GCNA: variants seen among roughly 807,000 people sequenced by gnomAD.
GCNA encodes germ cell nuclear acidic peptidase, also known as germ cell nuclear acidic protein.
A neutral mutation model predicts 38.8 loss-of-function variants in GCNA; 3 were observed. The ratio of observed to expected loss-of-function variants is 0.08; its 90% CI spans 0.04 to 0.20. The LOEUF is 0.20. Ranked by LOEUF, GCNA falls within the 10% of genes least tolerant of loss-of-function variation. The probability of loss-of-function intolerance (pLI) is 1.00; values close to 1 mark genes in which losing one functional copy is unlikely to be tolerated. For synonymous variants in GCNA, 195 were observed against 240.2 expected, an observed-to-expected ratio of 0.81 and a Z score of 1.74; for missense variants, 446 against 578.6, an observed-to-expected ratio of 0.77 and a Z score of 2.35.
At chrX:71,610,579 C>T (rs1291444088) in intron 10 of GCNA, 102 bp from the exon 11 acceptor site, 1 of 1,051,774 alleles carries the variant, frequency 9.5e-7, no homozygotes. Flanking sequence ...CACCATTGCA[C>T]TCCAGCCTGG....
Position 71,598,093 on chromosome X carries a change from C to T in GCNA, c.310+55C>T, listed in dbSNP as rs752169324. 115 of 921,425 alleles carry T rather than the reference C, an allele frequency of 1.2e-4. 1 individual carries two copies. The highest frequency in any genetic ancestry group is 1.7e-4 in the Non-Finnish European group (106 of 641,508). The allele number at this position is 921,425 out of a possible 1,213,427, so 75.9% of individuals were successfully genotyped here. A position where few individuals can be genotyped will look rare whatever the true frequency, so the allele number is the denominator to read the frequency against. On this transcript the variant is annotated intron_variant, in intron 7 of 12. Transcript: ENST00000373696. ...AGCTGAGCTCCAAAGCCTCATCACA[C>T]GTGGTACTTTCAGGATCAGAGTCCG...
chrX:71,610,614 C>CAAAAACAA, intron 10 of GCNA, 67 bp from the exon 11 acceptor site: 3 of 1,159,804 alleles, frequency 2.6e-6, no homozygotes, highest in Non-Finnish European at 3.5e-6. Context: ...AACTCCGTCT[C>CAAAAACAA]AAAAACAAAA....
Position 71,613,070 on chromosome X carries a change from G to C in GCNA, c.*88G>C. On this transcript the variant is annotated 3_prime_UTR_variant, in exon 13 of 13. Coordinates refer to ENST00000373696, the MANE Select transcript of GCNA (RefSeq NM_052957.5). ...CCTTGGGGATGTGATGAAAACACTT[G>C]GCAGGAATTACAAGGCAATGAAGAA... 1 of 1,111,603 alleles carries C rather than the reference G, an allele frequency of 9.0e-7. No individual in the cohort carries two copies. The highest frequency in any genetic ancestry group is 2.0e-5 in the South Asian group (1 of 50,650). The allele number at this position is 1,111,603 out of a possible 1,213,427, so 91.6% of individuals were successfully genotyped here.
At chrX:71,612,151 G>C (rs2040815678) in intron 11 of GCNA, among the ~76,000 whole-genome samples, 1 of 108,016 alleles carries the variant, frequency 9.3e-6, no homozygotes, top group African/African-American at 3.4e-5. Flanking sequence ...GGTGGTGCAT[G>C]CCTGTAATCC....
At chrX:71,582,434 A>G (rs2040554296) in intron 2 of GCNA, among the ~76,000 whole-genome samples, 1 of 110,121 alleles carries the variant, frequency 9.1e-6, no homozygotes, top group South Asian at 3.9e-4. Flanking sequence ...TTAAAATGAG[A>G]TACCATTTTT....
Position 71,610,699 on chromosome X carries a change from A to G in GCNA, c.1630A>G (p.Ile544Val). 1 of 1,211,860 alleles carries G rather than the reference A, an allele frequency of 8.3e-7. No homozygotes were observed. The change falls in exon 11 of 13, where the codon ATA (isoleucine) becomes GTA (valine). Residue 544 changes from isoleucine (I) to valine (V), a missense_variant. Around this residue, in one of 7 missense-constraint regions of GCNA, gnomAD observed 60 missense variants for 111.0 expected, o/e 0.54. Transcript: ENST00000373696. ...CDKKLPEKLR[I>V]GWNNKMVKTA... ...TTCTCAGCTGCCAGAGAAACTACGCATAGGCTGGAATAACAAGATGGTGAA... is the reference window on the plus strand; with the variant it reads ...TTCTCAGCTGCCAGAGAAACTACGCGTAGGCTGGAATAACAAGATGGTGAA...
chrX:71,578,821 G>A (rs1348843838), intron 1 of GCNA, among the ~76,000 whole-genome samples: 1 of 109,974 alleles, frequency 9.1e-6, no homozygotes, highest in South Asian at 3.9e-4. Flanking sequence ...TGCCAGTGGC[G>A]GCGTGGGGAG....
Position 71,580,828 on chromosome X carries a change from G to A in GCNA, c.7G>A (p.Gly3Arg). 8.3e-7 allele frequency: 1 copy of A among 1,202,316 alleles called. No individual in the cohort carries two copies. Among genetic ancestry groups the A allele is most frequent in the Non-Finnish European group, 1.1e-6 (1 of 890,296 alleles). MD[G>R]CKKELPRLQE... ...TTTGTCTTTCACTACAGACATGGAT[G>A]GGTGCAAAAAAGAGCTGCCCCGCTT... is the stretch of plus-strand genomic sequence containing the variant. Residue 3 changes from glycine (G) to arginine (R), a missense_variant, in exon 2 of 13, where the codon GGG becomes AGG. By Grantham distance (125) the Gly-to-Arg change is moderately radical (BLOSUM62 -2). Transcript: ENST00000373696.
chrX:71,595,881 C>A (rs2040667733), intron 6 of GCNA, among the ~76,000 whole-genome samples: 1 of 112,078 alleles, frequency 8.9e-6, no homozygotes. Context: ...AACGTGTAAG[C>A]CACCAACTCC....
In GCNA at chrX:71,608,986, A is replaced by G. The variant is rs769601045; in HGVS notation, c.1480A>G (p.Lys494Glu). The change falls in exon 10 of 13, where the codon AAA (lysine) becomes GAA (glutamate). Residue 494 changes from lysine to glutamate, a missense_variant. Around this residue, in one of 7 missense-constraint regions of GCNA, gnomAD observed 160 missense variants for 165.2 expected, o/e 0.97. Coordinates refer to ENST00000373696, the MANE Select transcript of GCNA (RefSeq NM_052957.5). ...TTATCTTTGCAGGACTCCTAAATGC[A>G]AAGTCCCTGGATGTTTCTTGCAAGA... ...EKRKTRTPKC[K>E]VPGCFLQDLE... The G allele has an allele frequency of 2.5e-6, 3 of 1,210,113 alleles. No individual in the cohort carries two copies. The highest frequency in any genetic ancestry group is 3.4e-6 in the Non-Finnish European group (3 of 894,645).
intron 1 of GCNA, among the ~76,000 whole-genome samples, chrX:71,579,330 C>A (rs974028687): frequency 1.3e-4 from 10 of 77,771 alleles, no homozygotes; most frequent in Non-Finnish European, 2.4e-4. Flanking sequence ...GGCATAGGAG[C>A]ACATAGTAGC....
intron 6 of GCNA, among the ~76,000 whole-genome samples, 189 bp from the exon 7 acceptor site, chrX:71,597,760 GA>G (rs1294562691): frequency 2.7e-5 from 3 of 112,249 alleles, no homozygotes; most frequent in Non-Finnish European, 5.6e-5. Context: ...TAGGAAGATG[GA>G]AAAAGAGAAA....
chrX:71,598,015 A>G lies in GCNA; in HGVS notation c.287A>G (p.Lys96Arg). The change falls in exon 7 of 13, where the codon AAG becomes AGG. Residue 96 changes from lysine (K) to arginine (R), a missense_variant. This residue lies in a region of GCNA where 118 missense variants were observed against 122.8 expected (regional missense o/e 0.96). Transcript: ENST00000373696. Reference protein sequence around the residue: ...ECHTHEEKKAKLLEINSDDES... With the variant: ...ECHTHEEKKARLLEINSDDES... Reference sequence around the variant, plus strand: ...CACACCCATGAAGAGAAGAAAGCTAAGTTATTGGAAATAAACAGCGACGGC... The same window carrying G: ...CACACCCATGAAGAGAAGAAAGCTAGGTTATTGGAAATAAACAGCGACGGC... The G allele has an allele frequency of 5.0e-6, 6 of 1,208,638 alleles. No homozygotes were observed. The highest frequency in any genetic ancestry group is 6.7e-6 in the Non-Finnish European group (6 of 892,562).
chrX:71,600,971 C>T (rs2040708963), intron 7 of GCNA, among the ~76,000 whole-genome samples: 6 of 111,924 alleles, frequency 5.4e-5, no homozygotes. Flanking sequence ...CACACCCCTC[C>T]ACTATCCTTC....
Position 71,610,790 on chromosome X carries a change from A to G in GCNA, c.1721A>G (p.Gln574Arg), listed in dbSNP as rs1337882233. The G allele has an allele frequency of 4.1e-6, 5 of 1,211,061 alleles. No homozygotes were observed. The highest frequency in any genetic ancestry group is 1.7e-5 in the African/African-American group (1 of 57,581). ...YPKWRRFAKI[Q>R]IGLKVCDSAD... ...AAGTGGCGGCGCTTTGCCAAGATCC[A>G]GATTGGCTTGAAAGTCTGCGACTCT... The change falls in exon 11 of 13, where the codon CAG (glutamine) becomes CGG (arginine). Residue 574 changes from glutamine (Q) to arginine (R), a missense_variant. By Grantham distance (43) the Gln-to-Arg change is conservative (BLOSUM62 1). Coordinates refer to ENST00000373696, the MANE Select transcript of GCNA (RefSeq NM_052957.5).
In GCNA at chrX:71,613,189, A is replaced by G. The variant is rs1022179566; in HGVS notation, c.*207A>G. On this transcript the variant is annotated 3_prime_UTR_variant, in exon 13 of 13. Transcript: ENST00000373696. ...TTTGTTTTGTGAAGTTAGGAATATT[A>G]GAATTTAGGTACTGTTAAGTAAGTA... 6.9e-6 allele frequency: 3 copies of G among 437,323 alleles called. No homozygotes were observed. The African/African-American group carries it at 7.4e-5, about 11-fold the overall frequency. 36.0% of individuals were successfully genotyped at this position (437,323 alleles called of 1,213,427 possible). A position where few individuals can be genotyped will look rare whatever the true frequency, so the allele number is the denominator to read the frequency against.
chrX:71,587,083 G>A (rs1320239088), intron 2 of GCNA, among the ~76,000 whole-genome samples: 3 of 111,749 alleles, frequency 2.7e-5, no homozygotes, highest in South Asian at 7.6e-4. Context: ...TGGAACTACC[G>A]GAATACAATC....
chrX:71,607,556 G>C (rs1037668348), intron 9 of GCNA, among the ~76,000 whole-genome samples: 1 of 112,145 alleles, frequency 8.9e-6, no homozygotes, highest in African/African-American at 3.2e-5. Context: ...TACAGTATGA[G>C]TCCTTTATGT....
Position 71,604,070 on chromosome X carries a change from C to T in GCNA, c.793C>T (p.Pro265Ser), listed in dbSNP as rs899450797. The stretch of plus-strand genomic sequence containing the variant: ...CGACAGCAGTGATGATTCGGAAGCT[C>T]CCGACGACAGCAGTGATGATTCGGA... Reference protein sequence around the residue: ...PDDSSDDSEAPDDSSDDSEAP... With the variant: ...PDDSSDDSEASDDSSDDSEAP... Residue 265 changes from proline to serine, a missense_variant, in exon 8 of 13, where the codon CCC becomes TCC. Around this residue, in one of 7 missense-constraint regions of GCNA, gnomAD observed 28 missense variants for 77.0 expected, o/e 0.36. Coordinates refer to ENST00000373696, the MANE Select transcript of GCNA (RefSeq NM_052957.5). 2.7e-5 allele frequency: 31 copies of T among 1,144,222 alleles called. 1 individual carries two copies. The highest frequency in any genetic ancestry group is 5.7e-5 in the South Asian group (3 of 52,731). The allele number at this position is 1,144,222 out of a possible 1,213,427, so 94.3% of individuals were successfully genotyped here.
Sources: allele counts gnomAD v4.1 joint callset (sites outside exome capture counted in the v4.1 genomes callset), GRCh38; gene constraint gnomAD v4.1.1; regional missense constraint gnomAD v4.1.1; transcripts MANE v1.5; gene names NCBI Gene and HGNC (gene_info 2026-07-23, HGNC 2026-07-21).